Variants in MDGA2 observed in about 807,000 individuals in gnomAD.
MDGA2 encodes the protein MAM domain containing glycosylphosphatidylinositol anchor 2, also known as MAM domain-containing glycosylphosphatidylinositol anchor protein 2.
MDGA2 carries 40 observed loss-of-function variants against 117.8 expected under a neutral mutation model. The observed-to-expected ratio is 0.34, with a 90% confidence interval of 0.26 to 0.44. The LOEUF (loss-of-function observed/expected upper bound fraction) is 0.44, where lower values mean the gene tolerates loss of function less well. Ranked by LOEUF, MDGA2 falls within the 20% of genes least tolerant of loss-of-function variation. MDGA2 has a pLI of 1.00. For synonymous variants in MDGA2, 452 were observed against 439.0 expected (o/e 1.03, Z -0.37); for missense variants, 1,123 against 1,250.6 (o/e 0.90, Z 1.54).
chr14:46,995,229 A>G (rs1022167953), intron 8 of MDGA2, among the ~76,000 whole-genome samples: 69 of 152,170 alleles, frequency 4.5e-4, no homozygotes, highest in African/African-American at 1.6e-3. Flanking sequence ...ACTGGCTATC[A>G]CATCAATGTC....
At chr14:47,068,454 G>C (rs936787408) in intron 6 of MDGA2, among the ~76,000 whole-genome samples, 1 of 146,964 alleles carries the variant, frequency 6.8e-6, no homozygotes, top group African/African-American at 2.6e-5. Flanking sequence ...TTACCAAAAT[G>C]TCTTTATCGG....
chr14:47,452,016 A>T (rs1187074991), intron 1 of MDGA2, among the ~76,000 whole-genome samples: 1 of 152,136 alleles, frequency 6.6e-6, no homozygotes, highest in Non-Finnish European at 1.5e-5. Context: ...GATTTGCTCA[A>T]TATGGTGCAC....
chr14:47,414,928 T>TA (rs1334906737), intron 1 of MDGA2, among the ~76,000 whole-genome samples: 15 of 152,058 alleles, frequency 9.9e-5, no homozygotes, highest in Admixed American at 2.6e-4. Context: ...CTATTGCAAA[T>TA]AAAAAACAAA....
intron 8 of MDGA2, among the ~76,000 whole-genome samples, chr14:47,024,958 C>T (rs754146670): frequency 9.9e-5 from 15 of 152,002 alleles, no homozygotes; most frequent in Non-Finnish European, 1.9e-4. Flanking sequence ...ACAGCTACTC[C>T]CTGCCAAACC....
At chr14:47,370,237 T>A (rs559553930) in intron 1 of MDGA2, among the ~76,000 whole-genome samples, 1 of 151,690 alleles carries the variant, frequency 6.6e-6, no homozygotes, top group South Asian at 2.1e-4. Context: ...CTTAGAAAAT[T>A]TGCATTCCAG....
In MDGA2 at chr14:46,920,720, A is replaced by T. The variant is rs575207565; in HGVS notation, c.2090-560T>A. Among the ~76,000 whole-genome samples, 49 of 152,338 alleles carry T rather than the reference A, an allele frequency of 3.2e-4. No individual in the cohort carries two copies. The South Asian group carries it at 3.7e-3, about 12-fold the overall frequency. On this transcript the variant is annotated intron_variant, in intron 9 of 16. Coordinates refer to ENST00000399232, the MANE Select transcript of MDGA2 (RefSeq NM_001113498.3). ...AAAACCACACCGATGCCTGAGAGGGAACAACCTAAATTTGGGGAAAACTAA... is the reference window on the plus strand; with the variant it reads ...AAAACCACACCGATGCCTGAGAGGGTACAACCTAAATTTGGGGAAAACTAA...
intron 3 of MDGA2, among the ~76,000 whole-genome samples, chr14:47,172,419 C>A (rs986879273): frequency 1.3e-5 from 2 of 151,770 alleles, no homozygotes; most frequent in Non-Finnish European, 2.9e-5. Context: ...AGACTGACAC[C>A]TCACACGGCC....
chr14:47,362,481 A>G (rs1891146579), intron 1 of MDGA2, among the ~76,000 whole-genome samples: 1 of 152,116 alleles, frequency 6.6e-6, no homozygotes, highest in African/African-American at 2.4e-5. Flanking sequence ...TGAGGTATTG[A>G]TATTTTTAAT....
rs777343939 is a variant in MDGA2 at position 47,066,580 on chromosome 14, C to A, written c.1196-5002G>T. Among the ~76,000 whole-genome samples the A allele has an allele frequency of 2.9e-4, 44 of 152,152 alleles. 1 individual carries two copies. Among genetic ancestry groups the A allele is most frequent in the Admixed American group, 7.2e-4 (11 of 15,274 alleles). On this transcript the variant is annotated intron_variant, in intron 6 of 16. Transcript: ENST00000399232. Reference sequence around the variant, plus strand: ...TCTAGCACATCCACTGACTAGTTAGCTATGTGTATGGGACATCGGCTATCA... The same window carrying A: ...TCTAGCACATCCACTGACTAGTTAGATATGTGTATGGGACATCGGCTATCA...
intron 1 of MDGA2, among the ~76,000 whole-genome samples, chr14:47,653,574 A>G (rs1897684973): frequency 6.6e-6 from 1 of 152,164 alleles, no homozygotes. Flanking sequence ...AACCTCGCCA[A>G]AAGAAGTTCA....
chr14:47,496,171 C>A (rs1011760217), intron 1 of MDGA2, among the ~76,000 whole-genome samples: 1 of 151,960 alleles, frequency 6.6e-6, no homozygotes, highest in Non-Finnish European at 1.5e-5. Context: ...TGAGTTAATG[C>A]TGTGATAAAT....
intron 1 of MDGA2, among the ~76,000 whole-genome samples, chr14:47,505,215 G>A (rs1050956884): frequency 2.0e-5 from 3 of 152,058 alleles, no homozygotes; most frequent in African/African-American, 7.2e-5. Flanking sequence ...GGAGAGGGAA[G>A]GGAAAGATGG....
At chr14:47,118,784 A>G (rs1881466341) in intron 5 of MDGA2, among the ~76,000 whole-genome samples, 1 of 152,182 alleles carries the variant, frequency 6.6e-6, no homozygotes, top group South Asian at 2.1e-4. Flanking sequence ...TTCAGTCTGG[A>G]GTGCAGCGGC....
intron 1 of MDGA2, among the ~76,000 whole-genome samples, chr14:47,543,486 C>A (rs972349511): frequency 8.5e-5 from 13 of 152,096 alleles, no homozygotes; most frequent in African/African-American, 3.1e-4. Context: ...AAATCGTTGA[C>A]ACTTCAGTAT....
intron 2 of MDGA2, among the ~76,000 whole-genome samples, chr14:47,248,530 T>C: frequency 6.7e-6 from 1 of 149,966 alleles, no homozygotes; most frequent in African/African-American, 2.4e-5. Context: ...TTAAAAGTTA[T>C]GTGACAAATC....
intron 7 of MDGA2, among the ~76,000 whole-genome samples, chr14:47,051,087 A>T (rs1178683913): frequency 6.6e-6 from 1 of 151,968 alleles, no homozygotes; most frequent in African/African-American, 2.4e-5. Flanking sequence ...CTGAGATAAT[A>T]AAGGGAAATA....
chr14:47,222,655 T>A (rs1347817070), intron 2 of MDGA2, among the ~76,000 whole-genome samples: 1 of 152,068 alleles, frequency 6.6e-6, no homozygotes, highest in East Asian at 1.9e-4. Flanking sequence ...TTTTCTTATG[T>A]CCATTAAATA....
chr14:46,889,301 A>G (rs1882788187), intron 10 of MDGA2, among the ~76,000 whole-genome samples: 1 of 151,996 alleles, frequency 6.6e-6, no homozygotes, highest in African/African-American at 2.4e-5. Flanking sequence ...CACATCATAG[A>G]AATATTTTGC....
At chr14:47,448,411 A>G (rs1305785015) in intron 1 of MDGA2, among the ~76,000 whole-genome samples, 1 of 152,048 alleles carries the variant, frequency 6.6e-6, no homozygotes, top group Non-Finnish European at 1.5e-5. Context: ...AAGTGCTGGG[A>G]TTACAGGCGT....
Sources: gnomAD v4.1 joint callset for allele counts (sites outside exome capture counted in the v4.1 genomes callset) on GRCh38, gnomAD v4.1.1 for gene constraint, MANE v1.5 for transcripts, NCBI Gene and HGNC (gene_info 2026-07-23, HGNC 2026-07-21) for gene names.